BIRC2: variants seen among roughly 807,000 people sequenced by gnomAD.
The protein encoded by BIRC2 is baculoviral IAP repeat-containing protein 2.
In BIRC2, 18 loss-of-function variants were observed where a neutral mutation model predicts 60.9. That is an observed-to-expected ratio of 0.30 (90% CI 0.20 to 0.44). BIRC2 has a LOEUF of 0.44. BIRC2 is among the 20% of genes least tolerant of loss of function. The pLI is 1.00. For synonymous variants in BIRC2, 282 were observed against 247.7 expected (o/e 1.14, Z -1.30); for missense variants, 701 against 728.5 (o/e 0.96, Z 0.43).
In BIRC2 at chr11:102,352,275, G is replaced by A. The variant is rs542764947; in HGVS notation, c.995+1332G>A. ...ACTACAGGCGCCCGCTGCCACGCCCGGCTAATTTTTTGTACTTTTTAGTAG... is the reference window on the plus strand; with the variant it reads ...ACTACAGGCGCCCGCTGCCACGCCCAGCTAATTTTTTGTACTTTTTAGTAG... On this transcript the variant is annotated intron_variant, in intron 3 of 8. Coordinates refer to ENST00000227758, the MANE Select transcript of BIRC2 (RefSeq NM_001166.5). 4.6e-5 allele frequency among the ~76,000 whole-genome samples: 7 copies of A among 151,748 alleles called. No individual in the cohort carries two copies. In the South Asian group the frequency reaches 1.0e-3, roughly 23 times the overall value.
intron 6 of BIRC2, among the ~76,000 whole-genome samples, chr11:102,372,900 T>C (rs1479930153): frequency 6.9e-6 from 1 of 145,426 alleles, no homozygotes; most frequent in Non-Finnish European, 1.5e-5. Context: ...CTTGTTGAAT[T>C]GATCCCTTTA....
At position 102,348,749 on chromosome 11, in the gene BIRC2, A is replaced by G; in HGVS notation, c.-1106A>G. On this transcript the variant is annotated 5_prime_UTR_variant, in exon 2 of 9. Coordinates refer to ENST00000227758, the MANE Select transcript of BIRC2 (RefSeq NM_001166.5). Reference sequence around the variant, plus strand: ...GAATTATATTTTTAAAACATTGAAGAGTTTTCAGAAAGAAGGCTAGTAGAG... The same window carrying G: ...GAATTATATTTTTAAAACATTGAAGGGTTTTCAGAAAGAAGGCTAGTAGAG... The G allele has an allele frequency of 2.5e-6, 1 of 392,910 alleles. No individual in the cohort carries two copies. Among genetic ancestry groups the G allele is most frequent in the Non-Finnish European group, 5.0e-6 (1 of 201,374 alleles). The allele number at this position is 392,910 out of a possible 1,614,324, so 24.3% of individuals were successfully genotyped here. A position where few individuals can be genotyped will look rare whatever the true frequency, so the allele number is the denominator to read the frequency against.
intron 3 of BIRC2, among the ~76,000 whole-genome samples, chr11:102,353,660 C>T (rs1488457735): frequency 6.7e-6 from 1 of 149,634 alleles, no homozygotes; most frequent in Non-Finnish European, 1.5e-5. Flanking sequence ...GTAAATCCAT[C>T]ACCTTATGTA....
At chr11:102,368,708 C>T (rs945397729) in intron 6 of BIRC2, among the ~76,000 whole-genome samples, 160 bp downstream of exon 6, 2 of 152,066 alleles carry the variant, frequency 1.3e-5, no homozygotes, top group Non-Finnish European at 2.9e-5. Context: ...CTTTCAATTG[C>T]TTCTAGTTGA....
At chr11:102,372,230 T>G (rs1327788522) in intron 6 of BIRC2, among the ~76,000 whole-genome samples, 1 of 152,228 alleles carries the variant, frequency 6.6e-6, no homozygotes, top group Non-Finnish European at 1.5e-5. Flanking sequence ...GTGTTTGCTC[T>G]TGCTTCTCTA....
chr11:102,367,437 C>G (rs777510997), intron 5 of BIRC2, among the ~76,000 whole-genome samples: 3 of 151,910 alleles, frequency 2.0e-5, no homozygotes, highest in Non-Finnish European at 4.4e-5. Flanking sequence ...TTATTTAAAT[C>G]TTTGTTCTGG....
rs60766578 is a variant in BIRC2 at position 102,353,679 on chromosome 11, C to CTTTTTTTT, written c.995+2753_995+2760dup. Among the ~76,000 whole-genome samples the CTTTTTTTT allele has an allele frequency of 4.6e-4, 40 of 86,060 alleles. 1 individual carries two copies. Among genetic ancestry groups the CTTTTTTTT allele is most frequent in the Admixed American group, 7.9e-4 (6 of 7,582 alleles). The allele number at this position is 86,060 out of a possible 152,430, so 56.5% of individuals were successfully genotyped here. A position where few individuals can be genotyped will look rare whatever the true frequency, so the allele number is the denominator to read the frequency against. On this transcript the variant is annotated intron_variant, in intron 3 of 8. Coordinates refer to ENST00000227758, the MANE Select transcript of BIRC2 (RefSeq NM_001166.5). ...ATCCATCACCTTATGTAGTAACTTT[C>CTTTTTTTT]TTTTTTTTTTTTTTTTTTTTTTTTG... is the stretch of plus-strand genomic sequence containing the variant.
At chr11:102,363,090 G>A (rs1039107457) in intron 4 of BIRC2, 116 bp downstream of exon 4, 3 of 717,572 alleles carry the variant, frequency 4.2e-6, no homozygotes, top group South Asian at 1.9e-5. Context: ...GGCCAAAACC[G>A]TGATCACTTT....
chr11:102,351,091 TTTAA>T (rs1258563426), intron 3 of BIRC2, 148 bp downstream of exon 3: 2 of 753,702 alleles, frequency 2.7e-6, no homozygotes, highest in East Asian at 2.7e-5. Flanking sequence ...ACATTTTAAC[TTTAA>T]TTATTTTGTT....
At chr11:102,357,090 A>C (rs1267265313) in intron 3 of BIRC2, among the ~76,000 whole-genome samples, 1 of 152,188 alleles carries the variant, frequency 6.6e-6, no homozygotes, top group African/African-American at 2.4e-5. Context: ...TTCTTCTAGT[A>C]GGCTGCTGAA....
intron 5 of BIRC2, among the ~76,000 whole-genome samples, chr11:102,365,846 G>GC (rs755743250): frequency 3.3e-5 from 5 of 152,036 alleles, no homozygotes; most frequent in Non-Finnish European, 7.4e-5. Flanking sequence ...GCCTGCCTCG[G>GC]CCTCCCATAG....
At chr11:102,363,465 A>ATAC (rs1189859730) in intron 4 of BIRC2, among the ~76,000 whole-genome samples, 2 of 152,358 alleles carry the variant, frequency 1.3e-5, no homozygotes, top group Non-Finnish European at 2.9e-5. Context: ...AACTAGAGAA[A>ATAC]TACTTGATTT....
In BIRC2 at chr11:102,368,347, G is replaced by T. The variant is rs900159895; in HGVS notation, c.1165G>T (p.Val389Phe). The T allele has an allele frequency of 3.1e-6, 5 of 1,613,954 alleles. No homozygotes were observed. The highest frequency in any genetic ancestry group is 4.2e-6 in the Non-Finnish European group (5 of 1,179,908). ...TGGAGAAAGTTCTTCAGAAGATGCT[G>T]TCATGATGAATACACCTGTGGTTAA... ...GPGESSSEDAVMMNTPVVKSA... is the reference protein window; with the variant it reads ...GPGESSSEDAFMMNTPVVKSA... Residue 389 changes from valine (V) to phenylalanine (F), a missense_variant, in exon 6 of 9, where the codon GTC (valine) becomes TTC (phenylalanine). By Grantham distance (50) the Val-to-Phe change is conservative (BLOSUM62 -1). Transcript: ENST00000227758.
In BIRC2 at chr11:102,368,247, C is replaced by CT. The variant is rs1951575693; in HGVS notation, c.1124-53dup. The CT allele has an allele frequency of 7.1e-6, 11 of 1,549,404 alleles. No individual in the cohort carries two copies. The East Asian group carries it at 2.0e-4, about 29-fold the overall frequency. On this transcript the variant is annotated intron_variant, in intron 5 of 8. Coordinates refer to ENST00000227758, the MANE Select transcript of BIRC2 (RefSeq NM_001166.5). ...GATGAATAAAGATTGTGCCATGATA[C>CT]TTTTTTCCATAGGTTTATGTTTGTG...
At position 102,360,725 on chromosome 11, in the gene BIRC2, T is replaced by G. The variant is rs115412201; in HGVS notation, c.996-2171T>G. On this transcript the variant is annotated intron_variant, in intron 3 of 8. Transcript: ENST00000227758. The stretch of plus-strand genomic sequence containing the variant: ...CTTTCTGTTTCTTGTGGCCTTGTGT[T>G]ATCTGTGTATTTGATGGACGAATTA... 8.8e-3 allele frequency among the ~76,000 whole-genome samples: 1,344 copies of G among 151,878 alleles called. 28 individuals are homozygous for G. The highest frequency in any genetic ancestry group is 0.03 in the African/African-American group (1,258 of 41,406).
In BIRC2 at chr11:102,378,091, C is replaced by T. The variant is rs1454794469; in HGVS notation, c.1765C>T (p.Leu589=). The change falls in exon 9 of 9, where the codon CTG becomes TTG. Residue 589 remains leucine (L), a synonymous_variant. Coordinates refer to ENST00000227758, the MANE Select transcript of BIRC2 (RefSeq NM_001166.5). ...TGTTGTATTTATTCCTTGTGGTCATCTGGTAGTATGCCAGGAATGTGCCCC... is the reference window on the plus strand; with the variant it reads ...TGTTGTATTTATTCCTTGTGGTCATTTGGTAGTATGCCAGGAATGTGCCCC... ...VSVVFIPCGH[L]VVCQECAPSL... 1 of 1,613,722 alleles carries T rather than the reference C, an allele frequency of 6.2e-7. No individual in the cohort carries two copies. The highest frequency in any genetic ancestry group is 8.5e-7 in the Non-Finnish European group (1 of 1,179,766).
intron 6 of BIRC2, among the ~76,000 whole-genome samples, chr11:102,374,095 T>A (rs1951669996): frequency 6.8e-6 from 1 of 146,658 alleles, no homozygotes; most frequent in African/African-American, 2.5e-5. Flanking sequence ...GTTTTCAACT[T>A]CTTTGCCTTT....
chr11:102,351,614 CAAAAAAAAAAAA>C (rs768269523), intron 3 of BIRC2, among the ~76,000 whole-genome samples: 2 of 68,610 alleles, frequency 2.9e-5, no homozygotes, highest in African/African-American at 1.2e-4. Flanking sequence ...GACTCTGTCT[CAAAAAAAAAAAA>C]AAAAAAAAAA....
chr11:102,370,175 TC>T (rs1951612442), intron 6 of BIRC2, among the ~76,000 whole-genome samples: 2 of 149,730 alleles, frequency 1.3e-5, no homozygotes, highest in Admixed American at 1.3e-4. Context: ...TTGAATTAGA[TC>T]CCATTTGTCA....
Sources: gnomAD v4.1 joint callset for allele counts (sites outside exome capture counted in the v4.1 genomes callset) on GRCh38, gnomAD v4.1.1 for gene constraint, MANE v1.5 for transcripts, NCBI Gene and HGNC (gene_info 2026-07-23, HGNC 2026-07-21) for gene names.